SYTL4: variants seen among roughly 807,000 people sequenced by gnomAD.
SYTL4 encodes the protein synaptotagmin-like protein 4.
In SYTL4, 16 loss-of-function variants were observed where a neutral mutation model predicts 52.7. The observed-to-expected ratio is 0.30, with a 90% CI of 0.21 to 0.46. The LOEUF (loss-of-function observed/expected upper bound fraction) is 0.46. Ranked by LOEUF, SYTL4 falls within the 20% of genes least tolerant of loss-of-function variation. The probability of loss-of-function intolerance (pLI) is 1.00; values close to 1 mark genes in which losing one functional copy is unlikely to be tolerated. For synonymous variants in SYTL4, 160 were observed against 186.6 expected (o/e 0.86, Z 1.16); for missense variants, 423 against 519.9 (o/e 0.81, Z 1.81).
chrX:100,701,006 G>A lies in SYTL4; in HGVS notation c.437-7C>T. The A allele has an allele frequency of 8.4e-7, 1 of 1,187,811 alleles. No individual in the cohort carries two copies. The highest frequency in any genetic ancestry group is 1.1e-6 in the Non-Finnish European group (1 of 874,258). On this transcript the variant is annotated splice_polypyrimidine_tract_variant and splice_region_variant and intron_variant, in intron 7 of 19. Coordinates refer to ENST00000372989, the MANE Select transcript of SYTL4 (RefSeq NM_001370165.1). ...ACTGTCTCTCTTTTACTCACTTCAA[G>A]ACAAAGAAAAGTATGCCAGGGTGGT...
chrX:100,730,505 T>A (rs2084619860), intron 2 of SYTL4, among the ~76,000 whole-genome samples: 1 of 111,342 alleles, frequency 9.0e-6, no homozygotes. Context: ...CATCATAATA[T>A]GGTTATAACT....
intron 8 of SYTL4, among the ~76,000 whole-genome samples, chrX:100,696,069 C>A (rs1259419621): frequency 8.9e-6 from 1 of 111,876 alleles, no homozygotes; most frequent in Non-Finnish European, 1.9e-5. Flanking sequence ...ATAAACAAAT[C>A]AGTTTATCCA....
In SYTL4 at chrX:100,675,888, G is replaced by A. The variant is rs867772362; in HGVS notation, c.*140C>T. On this transcript the variant is annotated 3_prime_UTR_variant, in exon 20 of 20. Transcript: ENST00000372989. ...TGAGATTTGCAGAAAATACATGTTT[G>A]TACACATACACACACACACACACAC... 1 of 495,111 alleles carries A rather than the reference G, an allele frequency of 2.0e-6. No individual in the cohort carries two copies. The highest frequency in any genetic ancestry group is 3.1e-6 in the Non-Finnish European group (1 of 321,034). The allele number at this position is 495,111 out of a possible 1,213,427, so 40.8% of individuals were successfully genotyped here. A position where few individuals can be genotyped will look rare whatever the true frequency, so the allele number is the denominator to read the frequency against.
At chrX:100,702,140 T>C (rs5967171) in intron 4 of SYTL4, 33 bp from the exon 5 acceptor site, 181,619 of 554,250 alleles carry the variant, frequency 0.33, 22,320 homozygotes, top group East Asian at 0.54. Context: ...TTCACACAGA[T>C]GATTTACTCA....
rs764596164 is a variant in SYTL4 at position 100,701,543 on chromosome X, G to A, written c.241C>T (p.Arg81Trp). 7 of 1,209,579 alleles carry A rather than the reference G, an allele frequency of 5.8e-6. No homozygotes were observed. Among genetic ancestry groups the A allele is most frequent in the Admixed American group, 2.2e-5 (1 of 45,727 alleles). The change falls in exon 6 of 20, where the codon CGG becomes TGG. Residue 81 changes from arginine (R) to tryptophan (W), a missense_variant. Transcript: ENST00000372989. ...CGACACACCAGGTGATTACAACCCC[G>A]ACAAGTATTGGTTTTGGGACTCAAA... ...GRLSPKTNTC[R>W]GCNHLVCRDC...
chrX:100,688,255 G>T, intron 13 of SYTL4, 96 bp downstream of exon 13: 1 of 663,325 alleles, frequency 1.5e-6, no homozygotes, highest in Non-Finnish European at 2.4e-6. Context: ...GAGTGACTAG[G>T]ATGGTTTCCC....
intron 2 of SYTL4, among the ~76,000 whole-genome samples, chrX:100,718,969 T>G (rs2147816948): frequency 9.1e-6 from 1 of 110,209 alleles, no homozygotes; most frequent in Admixed American, 9.7e-5. Context: ...GGCTAATTTT[T>G]GTATTTTTAG....
chrX:100,714,886 C>T (rs1040135258), intron 2 of SYTL4, among the ~76,000 whole-genome samples: 2 of 111,769 alleles, frequency 1.8e-5, no homozygotes, highest in African/African-American at 6.5e-5. Flanking sequence ...TATCATAAAC[C>T]AAAATTTTGT....
intron 2 of SYTL4, among the ~76,000 whole-genome samples, chrX:100,724,733 C>T (rs2084473196): frequency 9.3e-6 from 1 of 107,280 alleles, no homozygotes; most frequent in Non-Finnish European, 1.9e-5. Context: ...ACAAACACTG[C>T]GGAAGGCCGC....
intron 16 of SYTL4, among the ~76,000 whole-genome samples, chrX:100,682,799 T>G (rs1394448710): frequency 8.9e-6 from 1 of 111,818 alleles, no homozygotes; most frequent in African/African-American, 3.3e-5. Context: ...CAATTATAAA[T>G]TTTGCATTTA....
chrX:100,701,176 A>G, intron 7 of SYTL4, 44 bp downstream of exon 7: 1 of 1,073,626 alleles, frequency 9.3e-7, no homozygotes, highest in South Asian at 1.9e-5. Flanking sequence ...GTCAGAATAC[A>G]CTAGGATTCC....
chrX:100,691,017 T>C (rs1312819027), intron 9 of SYTL4, 91 bp downstream of exon 9: 1 of 671,574 alleles, frequency 1.5e-6, no homozygotes, highest in Middle Eastern at 3.4e-4. Flanking sequence ...TTCGTTCAAC[T>C]TCCTGAGGAC....
At chrX:100,682,651 G>A (rs1184215196) in intron 16 of SYTL4, among the ~76,000 whole-genome samples, 1 of 110,553 alleles carries the variant, frequency 9.0e-6, no homozygotes, top group Non-Finnish European at 1.9e-5. Flanking sequence ...AGGTTGCAGT[G>A]AGCCAAGATC....
At chrX:100,717,522 G>T (rs763665742) in intron 2 of SYTL4, among the ~76,000 whole-genome samples, 74 of 113,318 alleles carry the variant, frequency 6.5e-4, no homozygotes, top group Non-Finnish European at 1.1e-3. Flanking sequence ...GGTTTAAATT[G>T]TAAGGGAGAA....
intron 2 of SYTL4, among the ~76,000 whole-genome samples, chrX:100,730,753 A>G (rs1050814690): frequency 9.0e-6 from 1 of 111,594 alleles, no homozygotes; most frequent in African/African-American, 3.3e-5. Context: ...CTGCCCAAAA[A>G]GGGCCTCACA....
In SYTL4 at chrX:100,688,944, A is replaced by G. The variant is rs191441691; in HGVS notation, c.913-501T>C. Among the ~76,000 whole-genome samples, 344 of 111,500 alleles carry G rather than the reference A, an allele frequency of 3.1e-3. 2 individuals carry two copies. Among genetic ancestry groups the G allele is most frequent in the African/African-American group, 0.011 (324 of 30,711 alleles). On this transcript the variant is annotated intron_variant, in intron 12 of 19. Coordinates refer to ENST00000372989, the MANE Select transcript of SYTL4 (RefSeq NM_001370165.1). ...ACCATCCTTCTCATATCTCAAAAGA[A>G]TAAGATAAGAATATTTAATGTTTTT...
chrX:100,680,989 C>T (rs181828919), intron 17 of SYTL4, among the ~76,000 whole-genome samples: 1 of 111,443 alleles, frequency 9.0e-6, no homozygotes, highest in African/African-American at 3.3e-5. Context: ...CTTGCCACAG[C>T]TGGACCAAGA....
Position 100,702,060 on chromosome X carries a change from A to C in SYTL4, c.-23T>G. 1 of 1,111,057 alleles carries C rather than the reference A, an allele frequency of 9.0e-7. No homozygotes were observed. Among genetic ancestry groups the C allele is most frequent in the Non-Finnish European group, 1.2e-6 (1 of 812,444 alleles). 91.6% of individuals were successfully genotyped at this position (1,111,057 alleles called of 1,213,427 possible). ...CATGATTTACTCAACTTTTTCTTCT[A>C]CTCTTCTTTCTTCAAAACAACCAGA... On this transcript the variant is annotated 5_prime_UTR_variant, in exon 5 of 20. Coordinates refer to ENST00000372989, the MANE Select transcript of SYTL4 (RefSeq NM_001370165.1).
chrX:100,675,692 T>C lies in SYTL4; in HGVS notation c.*336A>G. The C allele has an allele frequency of 6.5e-6, 1 of 154,308 alleles. No homozygotes were observed. The highest frequency in any genetic ancestry group is 1.2e-5 in the Non-Finnish European group (1 of 80,321). The allele number at this position is 154,308 out of a possible 1,213,427, so 12.7% of individuals were successfully genotyped here. ...GGAACAATGATAGCAAGACAGAAGA[T>C]AAAAAGTTGTTTTAAAAGCTGTTTT... is the stretch of plus-strand genomic sequence containing the variant. On this transcript the variant is annotated 3_prime_UTR_variant, in exon 20 of 20. Coordinates refer to ENST00000372989, the MANE Select transcript of SYTL4 (RefSeq NM_001370165.1).
Sources: gnomAD v4.1 joint callset for allele counts (sites outside exome capture counted in the v4.1 genomes callset) on GRCh38, gnomAD v4.1.1 for gene constraint, MANE v1.5 for transcripts, NCBI Gene and HGNC (gene_info 2026-07-23, HGNC 2026-07-21) for gene names.